The following TGFBR1 variants were observed in gnomAD, a reference collection of about 807,000 sequenced individuals.
TGFBR1 encodes transforming growth factor beta receptor 1, also known as TGF-beta receptor type-1.
Under a neutral mutation model 55.1 loss-of-function variants are expected in TGFBR1, and 20 were observed. The observed-to-expected ratio is 0.36, with a 90% CI of 0.26 to 0.53. The LOEUF (loss-of-function observed/expected upper bound fraction) is 0.53, where lower values mean the gene tolerates loss of function less well. Ranked by LOEUF, TGFBR1 falls within the 20% of genes least tolerant of loss-of-function variation. TGFBR1 has a pLI of 0.91. For missense variants in TGFBR1, 385 were observed against 617.6 expected, an observed-to-expected ratio of 0.62 and a Z score of 3.99; for synonymous variants, 220 against 214.8, an observed-to-expected ratio of 1.02 and a Z score of -0.21.
chr9:99,129,072 T>C lies in TGFBR1; in HGVS notation c.315T>C (p.His105=), dbSNP rs201771506. ...VTTTYCCNQD[H]CNKIELPTTV... is the part of the protein sequence containing the mutation. ...CAACATATTGCTGCAATCAGGACCA[T>C]TGCAATAAAATAGAACTTCCAACTA... The change falls in exon 2 of 9, where the codon CAT becomes CAC. Residue 105 remains histidine, a synonymous_variant. Coordinates refer to ENST00000374994, the MANE Select transcript of TGFBR1 (RefSeq NM_004612.4). The C allele has an allele frequency of 1.2e-6, 2 of 1,613,926 alleles. No homozygotes were observed. Among genetic ancestry groups the C allele is most frequent in the Non-Finnish European group, 1.7e-6 (2 of 1,179,906 alleles).
chr9:99,105,331 TGC>T, intron 1 of TGFBR1, 29 bp downstream of exon 1: 1 of 979,026 alleles, frequency 1.0e-6, no homozygotes, highest in Non-Finnish European at 1.2e-6. Context: ...GGCGGGCGAC[TGC>T]GGGGCGCGCG....
At chr9:99,104,829 G>C (rs942102622), upstream of TGFBR1, among the ~76,000 whole-genome samples, 9 of 152,158 alleles carry the variant, frequency 5.9e-5, 1 homozygote, top group Non-Finnish European at 1.0e-4. Flanking sequence ...GCGGCTGAGC[G>C]GTGCTGGGGC....
rs190801051 is a variant in TGFBR1 at position 99,113,234 on chromosome 9, G to A, written c.97+7932G>A. ...TTTTGGGAGTGTGGTTCTTGGCTGA[G>A]ATAAAAGAGAGGAAGTTTCCTGCTT... On this transcript the variant is annotated intron_variant, in intron 1 of 8. Transcript: ENST00000374994. Among the ~76,000 whole-genome samples the A allele has an allele frequency of 1.7e-3, 254 of 152,334 alleles. 1 individual carries two copies. The highest frequency in any genetic ancestry group is 5.8e-3 in the African/African-American group (243 of 41,580).
chr9:99,151,386 G>GTT lies in TGFBR1; in HGVS notation c.*2090_*2091dup, dbSNP rs879166510. The GTT allele has an allele frequency of 4.6e-5, 9 of 194,452 alleles. No homozygotes were observed. The highest frequency in any genetic ancestry group is 1.6e-4 in the African/African-American group (6 of 38,120). The allele number at this position is 194,452 out of a possible 1,614,324, so 12.0% of individuals were successfully genotyped here. A position where few individuals can be genotyped will look rare whatever the true frequency, so the allele number is the denominator to read the frequency against. Reference sequence around the variant, plus strand: ...GTGATCAGGTACTTTTTTTGTGGGGGTTTTTTTTTTGTTTTTTTTTTTTTG... The same window carrying GTT: ...GTGATCAGGTACTTTTTTTGTGGGGGTTTTTTTTTTTTGTTTTTTTTTTTTTG... On this transcript the variant is annotated 3_prime_UTR_variant, in exon 9 of 9. Coordinates refer to ENST00000374994, the MANE Select transcript of TGFBR1 (RefSeq NM_004612.4).
intron 2 of TGFBR1, among the ~76,000 whole-genome samples, chr9:99,131,300 CAA>C (rs1206348961): frequency 2.6e-5 from 4 of 151,814 alleles, no homozygotes; most frequent in African/African-American, 9.7e-5. Context: ...TGAAATAGGC[CAA>C]GATTTTTCAT....
intron 5 of TGFBR1, among the ~76,000 whole-genome samples, chr9:99,143,911 T>C (rs1174709031): frequency 6.6e-6 from 1 of 152,260 alleles, no homozygotes. Context: ...ATATGTGGTC[T>C]TTTGTGACTG....
At chr9:99,117,493 G>A (rs1270185023) in intron 1 of TGFBR1, among the ~76,000 whole-genome samples, 2 of 152,122 alleles carry the variant, frequency 1.3e-5, no homozygotes, top group Non-Finnish European at 2.9e-5. Flanking sequence ...TAAAAGATTG[G>A]TTTTACCTCT....
chr9:99,110,341 C>T (rs1360913780), intron 1 of TGFBR1, among the ~76,000 whole-genome samples: 2 of 152,088 alleles, frequency 1.3e-5, no homozygotes, highest in Admixed American at 6.5e-5. Flanking sequence ...TCGTTTAATT[C>T]TCTCTTCTCT....
intron 5 of TGFBR1, among the ~76,000 whole-genome samples, chr9:99,143,505 G>A (rs1827692481): frequency 6.6e-6 from 1 of 152,208 alleles, no homozygotes. Flanking sequence ...TGGGATTTCA[G>A]ATGCCAGTAT....
rs202238690 is a variant in TGFBR1 at position 99,149,492 on chromosome 9, C to T, written c.*187C>T. ...GACCCAGGAAACAGCCATGTGGGTC[C>T]TTTCTGTGCACTATGAACGCTTCTT... is the stretch of plus-strand genomic sequence containing the variant. On this transcript the variant is annotated 3_prime_UTR_variant, in exon 9 of 9. Coordinates refer to ENST00000374994, the MANE Select transcript of TGFBR1 (RefSeq NM_004612.4). The T allele has an allele frequency of 2.4e-5, 16 of 679,840 alleles. No homozygotes were observed. The highest frequency in any genetic ancestry group is 3.6e-5 in the African/African-American group (2 of 55,470). The allele number at this position is 679,840 out of a possible 1,614,324, so 42.1% of individuals were successfully genotyped here.
Position 99,129,098 on chromosome 9 carries a change from C to G in TGFBR1, c.341C>G (p.Thr114Ser), listed in dbSNP as rs1827133059. Residue 114 changes from threonine (T) to serine (S), a missense_variant and splice_region_variant, in exon 2 of 9, where the codon ACT becomes AGT. Thr to Ser is a moderately conservative substitution (Grantham distance 58). Coordinates refer to ENST00000374994, the MANE Select transcript of TGFBR1 (RefSeq NM_004612.4). The part of the protein sequence containing the change: ...DHCNKIELPT[T>S]VKSSPGLGPV... Reference sequence around the variant, plus strand: ...TGCAATAAAATAGAACTTCCAACTACTGGTAAGTTGTATAAAATTTTTTTC... The same window carrying G: ...TGCAATAAAATAGAACTTCCAACTAGTGGTAAGTTGTATAAAATTTTTTTC... 6.2e-7 allele frequency: 1 copy of G among 1,613,756 alleles called. No homozygotes were observed. The highest frequency in any genetic ancestry group is 2.2e-5 in the East Asian group (1 of 44,856).
intron 6 of TGFBR1, among the ~76,000 whole-genome samples, chr9:99,145,368 G>T (rs941142923): frequency 3.9e-5 from 6 of 152,154 alleles, no homozygotes; most frequent in Admixed American, 1.3e-4. Flanking sequence ...CCCGTAGGAA[G>T]TTTTTTCTAG....
rs201761492 is a variant in TGFBR1 at position 99,151,999 on chromosome 9, G to A, written c.*2694G>A. The stretch of plus-strand genomic sequence containing the variant: ...CAGTAGCCAGGAGAAATGGGGATGG[G>A]GGAAATACGACTTAGTGAGGCATAG... On this transcript the variant is annotated 3_prime_UTR_variant, in exon 9 of 9. Coordinates refer to ENST00000374994, the MANE Select transcript of TGFBR1 (RefSeq NM_004612.4). 1 of 197,604 alleles carries A rather than the reference G, an allele frequency of 5.1e-6. No homozygotes were observed. Among genetic ancestry groups the A allele is most frequent in the Non-Finnish European group, 1.0e-5 (1 of 95,386 alleles). The allele number at this position is 197,604 out of a possible 1,614,324, so 12.2% of individuals were successfully genotyped here. A position where few individuals can be genotyped will look rare whatever the true frequency, so the allele number is the denominator to read the frequency against.
At chr9:99,117,049 A>C (rs560424330) in intron 1 of TGFBR1, among the ~76,000 whole-genome samples, 15 of 152,132 alleles carry the variant, frequency 9.9e-5, no homozygotes, top group Admixed American at 2.6e-4. Context: ...CTGCAACCAC[A>C]ATTTAACTGC....
intron 3 of TGFBR1, among the ~76,000 whole-genome samples, chr9:99,135,003 C>G (rs1166876345): frequency 6.6e-6 from 1 of 151,584 alleles, no homozygotes; most frequent in Non-Finnish European, 1.5e-5. Context: ...GTTATTTCAT[C>G]TTTAAAATGA....
chr9:99,126,623 C>T (rs1463285725), intron 1 of TGFBR1, among the ~76,000 whole-genome samples: 1 of 152,104 alleles, frequency 6.6e-6, no homozygotes, highest in Non-Finnish European at 1.5e-5. Context: ...GAAAGCTTTT[C>T]CTTGAAAATG....
chr9:99,141,148 C>T (rs1564166185), intron 4 of TGFBR1, among the ~76,000 whole-genome samples: 1 of 152,154 alleles, frequency 6.6e-6, no homozygotes, highest in Non-Finnish European at 1.5e-5. Flanking sequence ...CTGTCTTCCA[C>T]TTTGTTTCTT....
Position 99,149,375 on chromosome 9 carries a change from T to TTG in TGFBR1, c.*72_*73dup. ...CCTGGGTTTTAATTTGGGAGGTCAA[T>TTG]TGTTCTACCTCACTGAGAGGGAACA... is the stretch of plus-strand genomic sequence containing the variant. On this transcript the variant is annotated 3_prime_UTR_variant, in exon 9 of 9. Transcript: ENST00000374994. The TTG allele has an allele frequency of 1.9e-6, 3 of 1,590,804 alleles. No individual in the cohort carries two copies. Among genetic ancestry groups the TTG allele is most frequent in the Non-Finnish European group, 2.6e-6 (3 of 1,160,180 alleles).
In TGFBR1 at chr9:99,147,662, G is replaced by C. The variant is rs1036114119; in HGVS notation, c.1264G>C (p.Glu422Gln). ...TTTTTAAACTGATACAGGAATTCATGAAGATTACCAACTGCCTTATTATGA... is the reference window on the plus strand; with the variant it reads ...TTTTTAAACTGATACAGGAATTCATCAAGATTACCAACTGCCTTATTATGA... ...ARRCSIGGIH[E>Q]DYQLPYYDLV... is the part of the protein sequence containing the mutation. Residue 422 changes from glutamate (E) to glutamine (Q), a missense_variant, in exon 8 of 9, where the codon GAA becomes CAA. By Grantham distance (29) the Glu-to-Gln change is conservative. Around this residue, in one of 5 missense-constraint regions of TGFBR1, gnomAD observed 110 missense variants for 154.6 expected, o/e 0.71. Transcript: ENST00000374994. 1 of 1,613,238 alleles carries C rather than the reference G, an allele frequency of 6.2e-7. No homozygotes were observed. Among genetic ancestry groups the C allele is most frequent in the Non-Finnish European group, 8.5e-7 (1 of 1,179,546 alleles).
Sources: allele counts gnomAD v4.1 joint callset (sites outside exome capture counted in the v4.1 genomes callset), GRCh38; gene constraint gnomAD v4.1.1; regional missense constraint gnomAD v4.1.1; transcripts MANE v1.5; gene names NCBI Gene and HGNC (gene_info 2026-07-23, HGNC 2026-07-21).